Variants in NKAIN2 observed in about 807,000 individuals in gnomAD.
NKAIN2 encodes sodium/potassium-transporting ATPase subunit beta-1-interacting protein 2.
A neutral mutation model predicts 32.6 loss-of-function variants in NKAIN2; 14 were observed. That is an observed-to-expected ratio of 0.43 (90% CI 0.28 to 0.67). The LOEUF (loss-of-function observed/expected upper bound fraction) is 0.67. Among genes scored for constraint, NKAIN2 ranks in the 30% least tolerant of loss-of-function variants. The probability of loss-of-function intolerance (pLI) is 0.17; values close to 1 mark genes in which losing one functional copy is unlikely to be tolerated. For missense variants in NKAIN2, 198 were observed against 258.3 expected (o/e 0.77, Z 1.60); for synonymous variants, 80 against 87.2 (o/e 0.92, Z 0.46).
chr6:123,915,214 T>A (rs1775425752), intron 1 of NKAIN2, among the ~76,000 whole-genome samples: 1 of 152,158 alleles, frequency 6.6e-6, no homozygotes, highest in African/African-American at 2.4e-5. Context: ...AAAACAGCTC[T>A]CCAAGGAAAA....
At chr6:124,003,952 A>G (rs1162540567) in intron 1 of NKAIN2, among the ~76,000 whole-genome samples, 1 of 152,218 alleles carries the variant, frequency 6.6e-6, no homozygotes, top group Non-Finnish European at 1.5e-5. Flanking sequence ...AGAAATTGAC[A>G]TAGGAAATTA....
chr6:124,455,671 A>G (rs1776291719), intron 3 of NKAIN2, among the ~76,000 whole-genome samples: 1 of 151,894 alleles, frequency 6.6e-6, no homozygotes, highest in African/African-American at 2.4e-5. Flanking sequence ...ATAATGAATA[A>G]GAGAAAAGGT....
intron 4 of NKAIN2, among the ~76,000 whole-genome samples, chr6:124,660,938 T>C (rs1784723790): frequency 6.6e-6 from 1 of 152,226 alleles, no homozygotes; most frequent in African/African-American, 2.4e-5. Context: ...GATGTAATGA[T>C]TAATTGATGA....
intron 3 of NKAIN2, among the ~76,000 whole-genome samples, chr6:124,600,606 C>T (rs1396064797): frequency 6.6e-6 from 1 of 151,956 alleles, no homozygotes; most frequent in African/African-American, 2.4e-5. Flanking sequence ...TGGGTAGCAG[C>T]AAAGAGAATC....
At chr6:124,098,306 A>T (rs76822169) in intron 1 of NKAIN2, among the ~76,000 whole-genome samples, 2 of 152,260 alleles carry the variant, frequency 1.3e-5, no homozygotes, top group Middle Eastern at 6.8e-3. Flanking sequence ...CTCTTTGAGG[A>T]CAGGGATCAT....
intron 1 of NKAIN2, among the ~76,000 whole-genome samples, chr6:124,050,719 G>A (rs1782363998): frequency 6.6e-6 from 1 of 151,976 alleles, no homozygotes; most frequent in Non-Finnish European, 1.5e-5. Flanking sequence ...TTATTCCTTA[G>A]TTTAGGTAGG....
chr6:124,108,379 G>T (rs1201468956), intron 1 of NKAIN2, among the ~76,000 whole-genome samples: 1 of 151,988 alleles, frequency 6.6e-6, no homozygotes, highest in Non-Finnish European at 1.5e-5. Context: ...TATGGCAAGA[G>T]GTGTGGCTAT....
intron 1 of NKAIN2, among the ~76,000 whole-genome samples, chr6:124,046,791 A>C (rs867027743): frequency 6.6e-6 from 1 of 151,964 alleles, no homozygotes; most frequent in South Asian, 2.1e-4. Flanking sequence ...GGAGTACAGT[A>C]GGAGTTCTAT....
intron 3 of NKAIN2, among the ~76,000 whole-genome samples, chr6:124,622,713 G>C (rs1783154078): frequency 6.6e-6 from 1 of 152,146 alleles, no homozygotes; most frequent in South Asian, 2.1e-4. Flanking sequence ...GATGGAGTGG[G>C]AAGGTGGTCT....
chr6:124,010,360 C>G (rs576190516), intron 1 of NKAIN2, among the ~76,000 whole-genome samples: 1 of 152,008 alleles, frequency 6.6e-6, no homozygotes, highest in Non-Finnish European at 1.5e-5. Flanking sequence ...GTGATCATCA[C>G]TTCACTAGTT....
In NKAIN2 at chr6:124,825,451, A is replaced by C. The variant is rs1370801266; in HGVS notation, c.*2222A>C. 6.6e-6 allele frequency: 1 copy of C among 152,554 alleles called. No individual in the cohort carries two copies. Among genetic ancestry groups the C allele is most frequent in the African/African-American group, 2.4e-5 (1 of 41,418 alleles). 9.5% of individuals were successfully genotyped at this position (152,554 alleles called of 1,614,324 possible). The stretch of plus-strand genomic sequence containing the variant: ...AGTTGTACAGCTGTATCCTCCTCAA[A>C]ATCCGGTGAAGAATGCTATTTTTCT... On this transcript the variant is annotated 3_prime_UTR_variant, in exon 7 of 7. Transcript: ENST00000368417.
intron 1 of NKAIN2, among the ~76,000 whole-genome samples, chr6:124,083,414 A>G (rs1209865761): frequency 6.6e-6 from 1 of 151,954 alleles, no homozygotes; most frequent in African/African-American, 2.4e-5. Flanking sequence ...ATAAAAAAGT[A>G]TCAGTAAGTA....
At position 124,096,390 on chromosome 6, in the gene NKAIN2, A is replaced by C. The variant is rs576477393; in HGVS notation, c.55-186615A>C. Among the ~76,000 whole-genome samples, 13 of 152,342 alleles carry C rather than the reference A, an allele frequency of 8.5e-5. 1 individual carries two copies. In the South Asian group the frequency reaches 2.3e-3, roughly 27 times the overall value. Reference sequence around the variant, plus strand: ...CCAATACTCTGATGTTTTAATGATCAGGTCCAGGAATGGCTTTACCAACCC... The same window carrying C: ...CCAATACTCTGATGTTTTAATGATCCGGTCCAGGAATGGCTTTACCAACCC... On this transcript the variant is annotated intron_variant, in intron 1 of 6. Transcript: ENST00000368417.
intron 1 of NKAIN2, among the ~76,000 whole-genome samples, chr6:123,831,982 T>C (rs1000080716): frequency 1.1e-4 from 16 of 152,214 alleles, no homozygotes; most frequent in African/African-American, 3.9e-4. Flanking sequence ...ATTGACACAT[T>C]GTAATCCCTG....
At chr6:124,079,904 A>C (rs564813624) in intron 1 of NKAIN2, among the ~76,000 whole-genome samples, 14 of 152,050 alleles carry the variant, frequency 9.2e-5, no homozygotes, top group African/African-American at 2.7e-4. Flanking sequence ...GGCAGAAAGG[A>C]AAGAAAGGGT....
At chr6:124,785,322 T>C (rs1006417091) in intron 4 of NKAIN2, among the ~76,000 whole-genome samples, 2 of 152,174 alleles carry the variant, frequency 1.3e-5, no homozygotes, top group African/African-American at 4.8e-5. Context: ...TAATTGCTTA[T>C]TGGAGCATTT....
chr6:124,022,766 A>C (rs1256246060), intron 1 of NKAIN2, among the ~76,000 whole-genome samples: 3 of 152,182 alleles, frequency 2.0e-5, no homozygotes, highest in Non-Finnish European at 4.4e-5. Context: ...AATAAGATCC[A>C]ATTATAGCTA....
intron 3 of NKAIN2, among the ~76,000 whole-genome samples, chr6:124,565,445 A>T (rs1367130902): frequency 6.6e-6 from 1 of 152,224 alleles, no homozygotes; most frequent in Non-Finnish European, 1.5e-5. Context: ...TAGACATTTT[A>T]TCAGACTATT....
At chr6:124,280,873 A>G (rs936900737) in intron 1 of NKAIN2, among the ~76,000 whole-genome samples, 3 of 152,224 alleles carry the variant, frequency 2.0e-5, no homozygotes, top group African/African-American at 7.2e-5. Context: ...GGGCTAATCA[A>G]AAAGGGGAAA....
Sources: allele counts gnomAD v4.1 joint callset (sites outside exome capture counted in the v4.1 genomes callset), GRCh38; gene constraint gnomAD v4.1.1; transcripts MANE v1.5; gene names NCBI Gene and HGNC (gene_info 2026-07-23, HGNC 2026-07-21).